The following AVL9 variants were observed in gnomAD, a reference collection of about 807,000 sequenced individuals.
The protein encoded by AVL9 is AVL9 cell migration associated.
In AVL9, 49 loss-of-function variants were observed where a neutral mutation model predicts 79.2. The ratio of observed to expected loss-of-function variants is 0.62; its 90% CI spans 0.49 to 0.79. The LOEUF is 0.79. Ranked by LOEUF, AVL9 falls within the 30% of genes least tolerant of loss-of-function variation. The pLI is 0.00. For synonymous variants in AVL9, 299 were observed against 280.6 expected, an observed-to-expected ratio of 1.07 and a Z score of -0.65; for missense variants, 682 against 776.8, an observed-to-expected ratio of 0.88 and a Z score of 1.45.
intron 1 of AVL9, chr7:32,537,498 T>C (rs1282203856): frequency 1.4e-5 from 2 of 141,644 alleles, no homozygotes; most frequent in African/African-American, 5.2e-5. Flanking sequence ...AGAGTCTCTC[T>C]GTTGCCCAGG....
At chr7:32,519,222 T>C (rs982437349) in intron 1 of AVL9, among the ~76,000 whole-genome samples, 1 of 151,990 alleles carries the variant, frequency 6.6e-6, no homozygotes, top group Non-Finnish European at 1.5e-5. Flanking sequence ...AGGTCAAGAG[T>C]TCGAGACCAG....
chr7:32,576,108 TGG>T, intron 13 of AVL9, 36 bp downstream of exon 13: 1 of 1,461,876 alleles, frequency 6.8e-7, no homozygotes, highest in Non-Finnish European at 9.6e-7. Context: ...AGTACATAAA[TGG>T]TTGGTTTACG....
Position 32,586,149 on chromosome 7 carries a change from T to C in AVL9, c.*2242T>C, listed in dbSNP as rs867757372. The C allele has an allele frequency of 5.3e-5, 8 of 152,228 alleles. No homozygotes were observed. Among genetic ancestry groups the C allele is most frequent in the Non-Finnish European group, 1.2e-4 (8 of 68,046 alleles). 9.4% of individuals were successfully genotyped at this position (152,228 alleles called of 1,614,324 possible). On this transcript the variant is annotated 3_prime_UTR_variant, in exon 16 of 16. Transcript: ENST00000318709. Reference sequence around the variant, plus strand: ...GCTTTGGAATCCACTGAAATAAAAATAGTTACATGAAGTTTAACTTTGCTT... The same window carrying C: ...GCTTTGGAATCCACTGAAATAAAAACAGTTACATGAAGTTTAACTTTGCTT...
intron 4 of AVL9, among the ~76,000 whole-genome samples, chr7:32,549,914 G>T (rs1156578741): frequency 2.9e-5 from 1 of 34,610 alleles, no homozygotes; most frequent in Non-Finnish European, 6.9e-5. Context: ...GGGAGACTCC[G>T]TCTCAAAAAA....
chr7:32,573,328 G>C lies in AVL9; in HGVS notation c.1480G>C (p.Asp494His), dbSNP rs2128150598. Residue 494 changes from aspartate (D) to histidine (H), a missense_variant, in exon 12 of 16, where the codon GAT becomes CAT. Asp to His is a moderately conservative substitution (Grantham distance 81). Transcript: ENST00000318709. ...TGAGAATCGGGATGACGTCTTCCTA[G>C]ATGGCACGGGCTGGGAGGGAGGTGA... The part of the protein sequence containing the change: ...VTENRDDVFL[D>H]GTGWEGGDEW... 6.2e-7 allele frequency: 1 copy of C among 1,613,876 alleles called. No individual in the cohort carries two copies. The highest frequency in any genetic ancestry group is 8.5e-7 in the Non-Finnish European group (1 of 1,179,992).
In AVL9 at chr7:32,585,263, C is replaced by G. The variant is rs1255087667; in HGVS notation, c.*1356C>G. 1 of 152,122 alleles carries G rather than the reference C, an allele frequency of 6.6e-6. No individual in the cohort carries two copies. Among genetic ancestry groups the G allele is most frequent in the Non-Finnish European group, 1.5e-5 (1 of 68,030 alleles). The allele number at this position is 152,122 out of a possible 1,614,324, so 9.4% of individuals were successfully genotyped here. A position where few individuals can be genotyped will look rare whatever the true frequency, so the allele number is the denominator to read the frequency against. On this transcript the variant is annotated 3_prime_UTR_variant, in exon 16 of 16. Transcript: ENST00000318709. ...GTGATTGTAAGTATTAAATAGAAAT[C>G]TCATCTTAGTTTATATTCAGCAAAG...
At chr7:32,569,031 C>A (rs912113662) in intron 10 of AVL9, among the ~76,000 whole-genome samples, 1 of 152,158 alleles carries the variant, frequency 6.6e-6, no homozygotes, top group Admixed American at 6.5e-5. Flanking sequence ...GTTAGTTACA[C>A]ACAAAGCGCT....
chr7:32,548,144 C>CTCTCT (rs1227025763), intron 3 of AVL9, among the ~76,000 whole-genome samples: 1 of 57,598 alleles, frequency 1.7e-5, no homozygotes, highest in African/African-American at 5.4e-5. Flanking sequence ...TTTGTCATCT[C>CTCTCT]TTTTTTCTTT....
At chr7:32,528,902 C>T (rs967145242) in intron 1 of AVL9, among the ~76,000 whole-genome samples, 1 of 151,688 alleles carries the variant, frequency 6.6e-6, no homozygotes, top group Admixed American at 6.6e-5. Flanking sequence ...CCCAGCTAGT[C>T]GGGAGGCTGA....
intron 10 of AVL9, among the ~76,000 whole-genome samples, chr7:32,561,712 A>G (rs374002546): frequency 6.5e-4 from 97 of 148,668 alleles, no homozygotes; most frequent in African/African-American, 2.2e-3. Context: ...TTTCTTTTGC[A>G]TCGACAACTT....
chr7:32,559,016 C>G lies in AVL9; in HGVS notation c.767C>G (p.Pro256Arg), dbSNP rs1790209738. The change falls in exon 10 of 16, where the codon CCA becomes CGA. Residue 256 changes from proline (P) to arginine (R), a missense_variant. Coordinates refer to ENST00000318709, the MANE Select transcript of AVL9 (RefSeq NM_015060.3). ...GATGGTGGGCTTCAGGAAAGTAACC[C>G]ATGTGCAGATGATTTTGTTTCTGCA... Reference protein sequence around the residue: ...SEDGGLQESNPCADDFVSAST... With the variant: ...SEDGGLQESNRCADDFVSAST... The G allele has an allele frequency of 6.2e-7, 1 of 1,613,880 alleles. No homozygotes were observed.
intron 1 of AVL9, among the ~76,000 whole-genome samples, chr7:32,508,152 T>C (rs1029877431): frequency 3.3e-5 from 5 of 152,248 alleles, no homozygotes; most frequent in Non-Finnish European, 5.9e-5. Context: ...GCAAATTCTT[T>C]TCCCTCTCTG....
intron 1 of AVL9, chr7:32,538,536 T>C (rs933658257): frequency 1.3e-5 from 2 of 151,194 alleles, no homozygotes; most frequent in Non-Finnish European, 2.9e-5. Context: ...TAACTTTCTG[T>C]AAGTTTGAAA....
chr7:32,551,258 GTT>G, intron 4 of AVL9, 74 bp from the exon 5 acceptor site: 2 of 945,592 alleles, frequency 2.1e-6, no homozygotes, highest in South Asian at 3.1e-5. Context: ...GGTTCTGTTT[GTT>G]TTACTATTAT....
intron 13 of AVL9, among the ~76,000 whole-genome samples, chr7:32,577,474 A>G (rs977163078): frequency 2.6e-5 from 4 of 152,212 alleles, no homozygotes; most frequent in Admixed American, 2.0e-4. Flanking sequence ...CACTGACAAC[A>G]AAGTCTCTAT....
intron 1 of AVL9, among the ~76,000 whole-genome samples, chr7:32,506,181 G>A (rs7797405): frequency 0.37 from 55,974 of 151,612 alleles, 10,963 homozygotes; most frequent in African/African-American, 0.5. Context: ...AAAATGTTTC[G>A]ACTTTTTAAT....
At chr7:32,574,676 C>T (rs1791003996) in intron 12 of AVL9, among the ~76,000 whole-genome samples, 1 of 147,932 alleles carries the variant, frequency 6.8e-6, no homozygotes, top group African/African-American at 2.5e-5. Flanking sequence ...AAGGTAGGGA[C>T]CTTGTCATTG....
At position 32,548,144 on chromosome 7, in the gene AVL9, C is replaced by CTCTTTTTTTTTTTTTTTTTTTTT. The variant is rs1227025763; in HGVS notation, c.301-702_301-701insCTTTTTTTTTTTTTTTTTTTTTT. Among the ~76,000 whole-genome samples, 73 of 57,576 alleles carry CTCTTTTTTTTTTTTTTTTTTTTT rather than the reference C, an allele frequency of 1.3e-3. 3 individuals are homozygous for CTCTTTTTTTTTTTTTTTTTTTTT. Among genetic ancestry groups the CTCTTTTTTTTTTTTTTTTTTTTT allele is most frequent in the African/African-American group, 3.6e-3 (66 of 18,512 alleles). The allele number at this position is 57,576 out of a possible 152,430, so 37.8% of individuals were successfully genotyped here. ...AACAAGCTGTCTGTTTTTGTCATCT[C>CTCTTTTTTTTTTTTTTTTTTTTT]TTTTTTCTTTTTTTTTTTTTTGAGA... On this transcript the variant is annotated intron_variant, in intron 3 of 15. Coordinates refer to ENST00000318709, the MANE Select transcript of AVL9 (RefSeq NM_015060.3).
intron 1 of AVL9, among the ~76,000 whole-genome samples, chr7:32,514,265 C>T (rs1022698868): frequency 3.3e-5 from 5 of 152,216 alleles, no homozygotes; most frequent in African/African-American, 1.2e-4. Flanking sequence ...CTGGACAATA[C>T]CCAGGCTTTC....
Sources: gnomAD v4.1 joint callset for allele counts (sites outside exome capture counted in the v4.1 genomes callset) on GRCh38, gnomAD v4.1.1 for gene constraint, MANE v1.5 for transcripts, NCBI Gene and HGNC (gene_info 2026-07-23, HGNC 2026-07-21) for gene names.